The following WWOX variants were observed in gnomAD, a reference collection of about 807,000 sequenced individuals.
The protein encoded by WWOX is WW domain containing oxidoreductase, also known as WW domain-containing oxidoreductase.
WWOX carries 69 observed loss-of-function variants against 46.2 expected under a neutral mutation model. The ratio of observed to expected loss-of-function variants is 1.49; its 90% CI spans 1.23 to 1.82. The LOEUF (loss-of-function observed/expected upper bound fraction) is 1.82, where lower values mean the gene tolerates loss of function less well. WWOX is among the 40% of genes most tolerant of loss of function. The probability of loss-of-function intolerance (pLI) is 0.00; values close to 1 mark genes in which losing one functional copy is unlikely to be tolerated. For synonymous variants in WWOX, 359 were observed against 202.6 expected (o/e 1.77, Z -6.56); for missense variants, 919 against 542.6 (o/e 1.69, Z -6.89).
chr16:78,708,411 C>G (rs1040083938), intron 8 of WWOX, among the ~76,000 whole-genome samples: 64 of 152,286 alleles, frequency 4.2e-4, no homozygotes, highest in African/African-American at 1.5e-3. Context: ...CCTGTGACAT[C>G]TTTTTGTTTC....
intron 5 of WWOX, among the ~76,000 whole-genome samples, chr16:78,273,435 C>CA (rs1487771061): frequency 6.6e-6 from 1 of 152,168 alleles, no homozygotes; most frequent in Non-Finnish European, 1.5e-5. Flanking sequence ...CGGTACCAGG[C>CA]AGAGAACAAC....
intron 8 of WWOX, among the ~76,000 whole-genome samples, chr16:79,198,120 T>C (rs917316181): frequency 6.7e-6 from 1 of 148,926 alleles, no homozygotes; most frequent in Non-Finnish European, 1.5e-5. Context: ...AGGACAGGAG[T>C]TGGAGACCAG....
At chr16:78,579,880 C>G (rs1001179730) in intron 8 of WWOX, among the ~76,000 whole-genome samples, 9 of 152,120 alleles carry the variant, frequency 5.9e-5, no homozygotes, top group African/African-American at 1.9e-4. Context: ...CTCACTGGAA[C>G]CCAAGCAAAG....
chr16:78,278,708 C>CT, intron 5 of WWOX: 1 of 1,527,488 alleles, frequency 6.5e-7, no homozygotes, highest in Non-Finnish European at 9.0e-7. Context: ...ATTACATCTT[C>CT]TTTTGTGGGT....
At chr16:79,063,396 C>T (rs1279279464) in intron 8 of WWOX, among the ~76,000 whole-genome samples, 1 of 152,170 alleles carries the variant, frequency 6.6e-6, no homozygotes, top group African/African-American at 2.4e-5. Context: ...ATGCTGTCCA[C>T]AGGTTGCCAG....
intron 8 of WWOX, among the ~76,000 whole-genome samples, chr16:78,798,387 G>C (rs2050798945): frequency 6.6e-6 from 1 of 152,060 alleles, no homozygotes; most frequent in Admixed American, 6.5e-5. Flanking sequence ...CACAACCCAA[G>C]GATGTCATCG....
intron 8 of WWOX, among the ~76,000 whole-genome samples, chr16:78,819,982 A>G (rs1034713017): frequency 1.3e-5 from 2 of 152,190 alleles, no homozygotes; most frequent in African/African-American, 4.8e-5. Context: ...TGATATCAAC[A>G]TCTGTAAAAT....
intron 8 of WWOX, among the ~76,000 whole-genome samples, chr16:78,734,322 G>C (rs531587418): frequency 1.3e-5 from 2 of 152,220 alleles, no homozygotes; most frequent in African/African-American, 2.4e-5. Context: ...GGTAGCCTCA[G>C]ATATAAGCTT....
chr16:78,927,495 C>G (rs2045525463), intron 8 of WWOX, among the ~76,000 whole-genome samples: 4 of 152,120 alleles, frequency 2.6e-5, no homozygotes, highest in African/African-American at 9.7e-5. Context: ...CAGCACGGAG[C>G]CCAGAGCCAG....
chr16:79,212,403 A>ATAGAC lies in WWOX; in HGVS notation c.*609_*613dup, dbSNP rs948247576. 111 of 430,352 alleles carry ATAGAC rather than the reference A, an allele frequency of 2.6e-4. No homozygotes were observed. The highest frequency in any genetic ancestry group is 1.9e-3 in the African/African-American group (100 of 51,476). 26.7% of individuals were successfully genotyped at this position (430,352 alleles called of 1,614,324 possible). A position where few individuals can be genotyped will look rare whatever the true frequency, so the allele number is the denominator to read the frequency against. On this transcript the variant is annotated 3_prime_UTR_variant, in exon 9 of 9. Transcript: ENST00000566780. ...ACTACCAGGTGGCAAAGTACTTGTC[A>ATAGAC]TAGACTCCTTTGCTAATGCTATGCA...
chr16:78,755,203 C>G (rs1263335118), intron 8 of WWOX, among the ~76,000 whole-genome samples: 4 of 137,410 alleles, frequency 2.9e-5, no homozygotes, highest in African/African-American at 1.1e-4. Context: ...TATCCCAGAA[C>G]TTAAAGTGAA....
At chr16:78,314,526 GTT>G (rs761012673) in intron 5 of WWOX, among the ~76,000 whole-genome samples, 8 of 132,898 alleles carry the variant, frequency 6.0e-5, no homozygotes, top group South Asian at 2.5e-4. Flanking sequence ...AATTTGTGGG[GTT>G]TTTTTTTTTT....
intron 8 of WWOX, among the ~76,000 whole-genome samples, chr16:78,605,570 A>G (rs2151623564): frequency 6.6e-6 from 1 of 152,324 alleles, no homozygotes; most frequent in Non-Finnish European, 1.5e-5. Context: ...TTTAAAAAAA[A>G]TCAACCAATG....
intron 8 of WWOX, among the ~76,000 whole-genome samples, chr16:78,684,927 A>G (rs752546363): frequency 6.6e-5 from 10 of 152,334 alleles, no homozygotes; most frequent in South Asian, 2.1e-4. Context: ...ACTAGTGAAC[A>G]CATGTTGTTT....
chr16:78,125,821 GTA>G (rs1487424661), intron 4 of WWOX, among the ~76,000 whole-genome samples: 1 of 152,154 alleles, frequency 6.6e-6, no homozygotes, highest in East Asian at 1.9e-4. Flanking sequence ...TCAAGCGCCT[GTA>G]TATGCCAGGT....
intron 5 of WWOX, among the ~76,000 whole-genome samples, chr16:78,385,922 T>C (rs1732683648): frequency 6.6e-6 from 1 of 152,194 alleles, no homozygotes; most frequent in African/African-American, 2.4e-5. Context: ...GATTTAAAAG[T>C]TGGGAGTGGC....
intron 8 of WWOX, among the ~76,000 whole-genome samples, chr16:78,491,211 CA>C (rs372776178): frequency 1.3e-4 from 20 of 152,334 alleles, no homozygotes; most frequent in African/African-American, 4.8e-4. Context: ...GACCTTTACT[CA>C]CCTGGGCCAT....
At chr16:78,762,878 C>T (rs1299242896) in intron 8 of WWOX, among the ~76,000 whole-genome samples, 2 of 152,158 alleles carry the variant, frequency 1.3e-5, no homozygotes, top group East Asian at 1.9e-4. Context: ...TTGAAGGACT[C>T]ATGGTAGTTA....
At chr16:78,206,953 A>G (rs2036415223) in intron 5 of WWOX, among the ~76,000 whole-genome samples, 3 of 152,322 alleles carry the variant, frequency 2.0e-5, no homozygotes, top group South Asian at 2.1e-4. Flanking sequence ...TGTGAATTAA[A>G]AAGTTTAATC....
Sources: gnomAD v4.1 joint callset for allele counts (sites outside exome capture counted in the v4.1 genomes callset) on GRCh38, gnomAD v4.1.1 for gene constraint, MANE v1.5 for transcripts, NCBI Gene and HGNC (gene_info 2026-07-23, HGNC 2026-07-21) for gene names.